The following KCNH8 variants were observed in gnomAD, a reference collection of about 807,000 sequenced individuals.
The protein encoded by KCNH8 is potassium voltage-gated channel subfamily H member 8.
A neutral mutation model predicts 103.6 loss-of-function variants in KCNH8; 70 were observed. That is an observed-to-expected ratio of 0.68 (90% CI 0.56 to 0.82). The LOEUF (loss-of-function observed/expected upper bound fraction) is 0.82, where lower values mean the gene tolerates loss of function less well. KCNH8 is among the 40% of genes least tolerant of loss of function. The probability of loss-of-function intolerance (pLI) is 0.00; values close to 1 mark genes in which losing one functional copy is unlikely to be tolerated. For synonymous variants in KCNH8, 498 were observed against 489.4 expected, an observed-to-expected ratio of 1.02 and a Z score of -0.23; for missense variants, 1,217 against 1,329.9, an observed-to-expected ratio of 0.92 and a Z score of 1.32.
chr3:19,309,712 T>G (rs1422056047), intron 3 of KCNH8, among the ~76,000 whole-genome samples: 1 of 151,914 alleles, frequency 6.6e-6, no homozygotes, highest in African/African-American at 2.4e-5. Flanking sequence ...ATTGATAGTT[T>G]CAGAAGGAAA....
intron 5 of KCNH8, among the ~76,000 whole-genome samples, chr3:19,360,020 A>G (rs2065928061): frequency 6.6e-6 from 1 of 152,066 alleles, no homozygotes; most frequent in South Asian, 2.1e-4. Flanking sequence ...AAACATACAT[A>G]TAAGAGTTAA....
chr3:19,200,353 A>G (rs1002186260), intron 1 of KCNH8, among the ~76,000 whole-genome samples: 1 of 152,086 alleles, frequency 6.6e-6, no homozygotes, highest in Non-Finnish European at 1.5e-5. Context: ...GAGAATTAAG[A>G]GATAACTAAT....
chr3:19,221,263 A>G (rs779382444), intron 1 of KCNH8, among the ~76,000 whole-genome samples: 1 of 152,164 alleles, frequency 6.6e-6, no homozygotes, highest in Non-Finnish European at 1.5e-5. Flanking sequence ...CTGCTTCATG[A>G]CTCACTGAGT....
At chr3:19,180,414 T>C (rs1363623483) in intron 1 of KCNH8, among the ~76,000 whole-genome samples, 1 of 152,140 alleles carries the variant, frequency 6.6e-6, no homozygotes, top group African/African-American at 2.4e-5. Context: ...CTGATATTTA[T>C]CATGGAATAA....
At chr3:19,458,681 C>G (rs917231328) in intron 11 of KCNH8, among the ~76,000 whole-genome samples, 11 of 151,956 alleles carry the variant, frequency 7.2e-5, no homozygotes, top group African/African-American at 2.4e-4. Flanking sequence ...TGTTGTACAA[C>G]AGATCTCTTG....
At chr3:19,245,661 C>G (rs1022394600) in intron 1 of KCNH8, among the ~76,000 whole-genome samples, 1 of 151,790 alleles carries the variant, frequency 6.6e-6, no homozygotes, top group Non-Finnish European at 1.5e-5. Flanking sequence ...TTTTTTAACT[C>G]TTTAGTTAGT....
At chr3:19,149,391 A>G (rs1025184518) in intron 1 of KCNH8, among the ~76,000 whole-genome samples, 2 of 152,022 alleles carry the variant, frequency 1.3e-5, no homozygotes, top group African/African-American at 4.8e-5. Context: ...ACTCAAGCAG[A>G]GGCTGTTCAG....
intron 11 of KCNH8, among the ~76,000 whole-genome samples, chr3:19,497,995 C>A (rs1179013677): frequency 6.6e-6 from 1 of 152,106 alleles, no homozygotes; most frequent in Non-Finnish European, 1.5e-5. Context: ...TATGTAATGT[C>A]CTACTCTATC....
intron 1 of KCNH8, among the ~76,000 whole-genome samples, chr3:19,233,472 TAA>T (rs1280642578): frequency 6.6e-6 from 1 of 152,180 alleles, no homozygotes; most frequent in Admixed American, 6.5e-5. Flanking sequence ...GGAAAGAAGT[TAA>T]ATATTCTTTC....
chr3:19,278,137 A>C (rs542248099), intron 2 of KCNH8, among the ~76,000 whole-genome samples: 2 of 152,254 alleles, frequency 1.3e-5, no homozygotes, highest in Admixed American at 6.5e-5. Context: ...AGGTGTCATT[A>C]GAAATGCAGG....
intron 3 of KCNH8, among the ~76,000 whole-genome samples, chr3:19,332,571 G>A (rs993722629): frequency 2.0e-5 from 3 of 152,066 alleles, no homozygotes; most frequent in Admixed American, 6.6e-5. Flanking sequence ...TTAAGTATAC[G>A]TTTAAGGCTT....
chr3:19,479,828 T>A (rs79863204), intron 11 of KCNH8, among the ~76,000 whole-genome samples: 4,187 of 152,302 alleles, frequency 0.027, 164 homozygotes, highest in African/African-American at 0.079. Context: ...CAATACTGGT[T>A]ATGTTGCTGT....
chr3:19,480,117 A>G (rs1575117717), intron 11 of KCNH8, among the ~76,000 whole-genome samples: 1 of 152,210 alleles, frequency 6.6e-6, no homozygotes, highest in African/African-American at 2.4e-5. Flanking sequence ...CCTATGCACC[A>G]CGTAAACAAT....
chr3:19,371,217 G>T (rs1215351591), intron 5 of KCNH8, among the ~76,000 whole-genome samples: 2 of 147,280 alleles, frequency 1.4e-5, no homozygotes, highest in African/African-American at 5.0e-5. Flanking sequence ...CTAGTTTACA[G>T]TCCCACCAAC....
Position 19,148,808 on chromosome 3 carries a change from C to T in KCNH8, c.76+13C>T, listed in dbSNP as rs1553617615. ...TTTGACGGAACACGTAAGTCTTACA[C>T]TTGAACGAGTGGTATGGCATTTTCT... On this transcript the variant is annotated intron_variant, in intron 1 of 15. Transcript: ENST00000328405. 1 of 1,610,394 alleles carries T rather than the reference C, an allele frequency of 6.2e-7. No individual in the cohort carries two copies. The highest frequency in any genetic ancestry group is 2.2e-5 in the East Asian group (1 of 44,852).
chr3:19,421,039 C>T (rs1012003671), intron 7 of KCNH8, among the ~76,000 whole-genome samples: 5 of 152,094 alleles, frequency 3.3e-5, no homozygotes, highest in Admixed American at 2.6e-4. Context: ...AATTCATTGT[C>T]ACTGCCAAGT....
intron 1 of KCNH8, among the ~76,000 whole-genome samples, chr3:19,212,097 T>TG (rs1209692075): frequency 5.3e-5 from 8 of 152,218 alleles, no homozygotes; most frequent in Admixed American, 4.6e-4. Context: ...TTCCTTCTCT[T>TG]GGGATTACAT....
At chr3:19,507,819 G>A (rs1489716126) in intron 11 of KCNH8, among the ~76,000 whole-genome samples, 2 of 152,210 alleles carry the variant, frequency 1.3e-5, no homozygotes, top group East Asian at 1.9e-4. Context: ...ACAGGGAGGG[G>A]CAAGGGCTGC....
At chr3:19,532,248 C>T (rs2069174917) in intron 15 of KCNH8, among the ~76,000 whole-genome samples, 1 of 152,148 alleles carries the variant, frequency 6.6e-6, no homozygotes, top group Non-Finnish European at 1.5e-5. Context: ...AATGTCTCAC[C>T]TAGAAAACTG....
Sources: gnomAD v4.1 joint callset for allele counts (sites outside exome capture counted in the v4.1 genomes callset) on GRCh38, gnomAD v4.1.1 for gene constraint, MANE v1.5 for transcripts, NCBI Gene and HGNC (gene_info 2026-07-23, HGNC 2026-07-21) for gene names.